Variants in STK39 observed in about 807,000 individuals in gnomAD.
The protein encoded by STK39 is STE20/SPS1-related proline-alanine-rich protein kinase.
A neutral mutation model predicts 77.8 loss-of-function variants in STK39; 20 were observed. That is an observed-to-expected ratio of 0.26 (90% CI 0.18 to 0.37). The LOEUF is 0.37. Among genes scored for constraint, STK39 ranks in the 10% least tolerant of loss-of-function variants. The probability of loss-of-function intolerance (pLI) is 1.00; values close to 1 mark genes in which losing one functional copy is unlikely to be tolerated. For synonymous variants in STK39, 246 were observed against 234.1 expected, an observed-to-expected ratio of 1.05 and a Z score of -0.47; for missense variants, 479 against 656.5, an observed-to-expected ratio of 0.73 and a Z score of 2.95.
intron 10 of STK39, among the ~76,000 whole-genome samples, chr2:168,096,773 T>C (rs1005241374): frequency 6.6e-6 from 1 of 152,194 alleles, no homozygotes; most frequent in African/African-American, 2.4e-5. Context: ...ATTCAGGTCA[T>C]AATGGTATAA....
intron 2 of STK39, among the ~76,000 whole-genome samples, chr2:168,179,766 G>C (rs1272352834): frequency 2.6e-5 from 4 of 152,142 alleles, no homozygotes; most frequent in Non-Finnish European, 5.9e-5. Flanking sequence ...CTGGTTCCAG[G>C]AAAACAAAGG....
intron 15 of STK39, among the ~76,000 whole-genome samples, chr2:168,014,499 A>G (rs1380546106): frequency 6.6e-6 from 1 of 152,052 alleles, no homozygotes; most frequent in East Asian, 1.9e-4. Flanking sequence ...TAAAAAAAAA[A>G]CACCTTATAA....
chr2:168,137,238 A>G (rs1195297357), intron 8 of STK39, among the ~76,000 whole-genome samples: 1 of 152,238 alleles, frequency 6.6e-6, no homozygotes, highest in Non-Finnish European at 1.5e-5. Flanking sequence ...ATGTTTTAAA[A>G]TATAAGGATC....
chr2:168,138,275 C>T, intron 7 of STK39, 54 bp from the exon 8 acceptor site: 1 of 1,556,760 alleles, frequency 6.4e-7, no homozygotes, highest in Non-Finnish European at 8.7e-7. Flanking sequence ...TTGCTACAAT[C>T]TAGTTTTGAA....
At chr2:168,104,781 C>A (rs12464647) in intron 10 of STK39, among the ~76,000 whole-genome samples, 3,378 of 152,254 alleles carry the variant, frequency 0.022, 177 homozygotes, top group East Asian at 0.17. Context: ...AATGTATATA[C>A]CCTTTGACCT....
Position 168,161,857 on chromosome 2 carries a change from A to T in STK39, c.573-15T>A. On this transcript the variant is annotated splice_polypyrimidine_tract_variant and intron_variant, in intron 4 of 17. Transcript: ENST00000355999. ...CTTTCAAATCCCTATTAGAAAAAAAAATAGAAAATAAATTGTAGGGTACAG... is the reference window on the plus strand; with the variant it reads ...CTTTCAAATCCCTATTAGAAAAAAATATAGAAAATAAATTGTAGGGTACAG... The T allele has an allele frequency of 6.2e-7, 1 of 1,600,336 alleles. No individual in the cohort carries two copies. The highest frequency in any genetic ancestry group is 8.5e-7 in the Non-Finnish European group (1 of 1,169,866).
intron 16 of STK39, among the ~76,000 whole-genome samples, chr2:167,992,342 A>AC (rs1432664129): frequency 6.6e-6 from 1 of 152,036 alleles, no homozygotes; most frequent in Non-Finnish European, 1.5e-5. Context: ...AACAACAACA[A>AC]AAAAACCATT....
At chr2:168,245,042 A>G (rs1164262129) in intron 1 of STK39, among the ~76,000 whole-genome samples, 7 of 152,222 alleles carry the variant, frequency 4.6e-5, no homozygotes, top group Admixed American at 4.6e-4. Flanking sequence ...ATAATTGACC[A>G]AGTAGGTATA....
chr2:168,181,254 A>T (rs1689076917), intron 2 of STK39, among the ~76,000 whole-genome samples: 1 of 152,190 alleles, frequency 6.6e-6, no homozygotes, highest in African/African-American at 2.4e-5. Context: ...GTAGAACAAC[A>T]ACGATATTTA....
At chr2:168,209,538 C>T (rs931237893) in intron 1 of STK39, among the ~76,000 whole-genome samples, 2 of 151,842 alleles carry the variant, frequency 1.3e-5, no homozygotes, top group South Asian at 2.1e-4. Context: ...TAGCCGGGCA[C>T]GGTGGCACAT....
chr2:168,232,028 C>G (rs1690469044), intron 1 of STK39: 1 of 245,192 alleles, frequency 4.1e-6, no homozygotes, highest in African/African-American at 2.3e-5. Flanking sequence ...GGATGGTGCA[C>G]TCCTTACAAT....
intron 14 of STK39, among the ~76,000 whole-genome samples, chr2:168,053,729 G>C (rs1447718311): frequency 6.6e-6 from 1 of 151,974 alleles, no homozygotes; most frequent in African/African-American, 2.4e-5. Flanking sequence ...CTTTCCTTTA[G>C]CATGTTTACC....
chr2:168,236,114 C>T (rs1238103962), intron 1 of STK39, among the ~76,000 whole-genome samples: 4 of 151,984 alleles, frequency 2.6e-5, no homozygotes, highest in Non-Finnish European at 4.4e-5. Context: ...TCTCCAGCAC[C>T]TGTTGTTTCC....
chr2:168,015,097 G>C (rs940991028), intron 15 of STK39, among the ~76,000 whole-genome samples: 1 of 152,214 alleles, frequency 6.6e-6, no homozygotes, highest in Non-Finnish European at 1.5e-5. Flanking sequence ...GTTTAGAACA[G>C]AAGTGTGAAA....
chr2:168,108,787 C>G (rs1267507852), intron 10 of STK39, among the ~76,000 whole-genome samples: 1 of 152,166 alleles, frequency 6.6e-6, no homozygotes, highest in Non-Finnish European at 1.5e-5. Context: ...TCTAACATAT[C>G]ATCAGTTTAG....
intron 1 of STK39, among the ~76,000 whole-genome samples, chr2:168,192,447 A>G (rs1574543103): frequency 6.6e-6 from 1 of 152,208 alleles, no homozygotes; most frequent in Non-Finnish European, 1.5e-5. Flanking sequence ...GTTTTCCAAC[A>G]CAATTCCTAA....
At chr2:168,011,677 C>T (rs1423969322) in intron 16 of STK39, among the ~76,000 whole-genome samples, 5 of 152,074 alleles carry the variant, frequency 3.3e-5, no homozygotes, top group Non-Finnish European at 5.9e-5. Flanking sequence ...TGGGTGGTTG[C>T]TTGCTCCCAT....
chr2:167,997,576 GA>G (rs1286538314), intron 16 of STK39, among the ~76,000 whole-genome samples: 5 of 152,160 alleles, frequency 3.3e-5, no homozygotes, highest in African/African-American at 1.2e-4. Context: ...TATCTTCACT[GA>G]CAGAGCTGGG....
At chr2:168,096,726 T>C (rs1237453528) in intron 10 of STK39, among the ~76,000 whole-genome samples, 1 of 152,200 alleles carries the variant, frequency 6.6e-6, no homozygotes, top group Non-Finnish European at 1.5e-5. Flanking sequence ...GGCCACAATT[T>C]TTCCCTAAGC....
Sources: allele counts gnomAD v4.1 joint callset (sites outside exome capture counted in the v4.1 genomes callset), GRCh38; gene constraint gnomAD v4.1.1; transcripts MANE v1.5; gene names NCBI Gene and HGNC (gene_info 2026-07-23, HGNC 2026-07-21).